CFAP299: variants seen among roughly 807,000 people sequenced by gnomAD.
The protein encoded by CFAP299 is cilia- and flagella-associated protein 299.
CFAP299 carries 21 observed loss-of-function variants against 27.0 expected under a neutral mutation model. The ratio of observed to expected loss-of-function variants is 0.78; its 90% confidence interval spans 0.55 to 1.12. The LOEUF (loss-of-function observed/expected upper bound fraction) is 1.12. CFAP299 is among the 50% of genes most tolerant of loss of function. CFAP299 has a pLI of 0.00. For synonymous variants in CFAP299, 104 were observed against 98.1 expected, an observed-to-expected ratio of 1.06 and a Z score of -0.36; for missense variants, 310 against 276.6, an observed-to-expected ratio of 1.12 and a Z score of -0.86.
intron 3 of CFAP299, among the ~76,000 whole-genome samples, chr4:80,647,480 G>A (rs2109965644): frequency 6.6e-6 from 1 of 152,076 alleles, no homozygotes; most frequent in Non-Finnish European, 1.5e-5. Flanking sequence ...TAAATAATTA[G>A]TATAATAGAA....
intron 3 of CFAP299, among the ~76,000 whole-genome samples, chr4:80,847,601 A>C (rs994855839): frequency 5.3e-5 from 8 of 152,226 alleles, no homozygotes; most frequent in African/African-American, 1.9e-4. Flanking sequence ...CTGATGCACT[A>C]ACTACGTGAC....
chr4:80,863,377 G>A (rs1330312251), intron 3 of CFAP299, among the ~76,000 whole-genome samples: 2 of 152,066 alleles, frequency 1.3e-5, no homozygotes, highest in African/African-American at 4.8e-5. Context: ...AAGACAAGCA[G>A]CCAAAGATCC....
chr4:80,413,431 C>T (rs1017850520), intron 2 of CFAP299, among the ~76,000 whole-genome samples: 6 of 152,182 alleles, frequency 3.9e-5, no homozygotes, highest in Middle Eastern at 3.2e-3. Context: ...TAGACAGAAA[C>T]TAACACCTGC....
At chr4:80,688,121 C>G (rs1462053799) in intron 3 of CFAP299, among the ~76,000 whole-genome samples, 1 of 152,196 alleles carries the variant, frequency 6.6e-6, no homozygotes, top group African/African-American at 2.4e-5. Flanking sequence ...GGAGGGGCGC[C>G]CGCCATTGCC....
At chr4:80,944,734 C>A in intron 4 of CFAP299, 76 bp from the exon 5 acceptor site, 1 of 1,123,862 alleles carries the variant, frequency 8.9e-7, no homozygotes, top group Non-Finnish European at 1.3e-6. Context: ...TGAACTTCCC[C>A]AAATAGTTCT....
intron 2 of CFAP299, among the ~76,000 whole-genome samples, chr4:80,404,099 C>A (rs965324090): frequency 6.6e-6 from 1 of 152,070 alleles, no homozygotes; most frequent in Admixed American, 6.6e-5. Flanking sequence ...AAACCTACAC[C>A]TACATATATC....
At chr4:80,885,005 C>T (rs1248177483) in intron 4 of CFAP299, among the ~76,000 whole-genome samples, 2 of 152,194 alleles carry the variant, frequency 1.3e-5, no homozygotes, top group East Asian at 1.9e-4. Flanking sequence ...CTCCCCCATA[C>T]CCCAGCAACA....
At chr4:80,726,416 G>A (rs1023042759) in intron 3 of CFAP299, among the ~76,000 whole-genome samples, 1 of 152,024 alleles carries the variant, frequency 6.6e-6, no homozygotes, top group Non-Finnish European at 1.5e-5. Context: ...GAAAGAAAAA[G>A]ATATCTTTTT....
intron 2 of CFAP299, among the ~76,000 whole-genome samples, chr4:80,399,242 G>T (rs1726000114): frequency 6.6e-6 from 1 of 152,196 alleles, no homozygotes; most frequent in South Asian, 2.1e-4. Flanking sequence ...CACTGTTGGT[G>T]GGACTGCAAA....
At chr4:80,715,186 C>A (rs1445288597) in intron 3 of CFAP299, among the ~76,000 whole-genome samples, 2 of 151,996 alleles carry the variant, frequency 1.3e-5, no homozygotes, top group Admixed American at 6.6e-5. Context: ...CTGATCAATC[C>A]AAATTAGGAA....
chr4:80,379,400 A>G (rs1724583608), intron 2 of CFAP299, among the ~76,000 whole-genome samples: 1 of 151,594 alleles, frequency 6.6e-6, no homozygotes, highest in African/African-American at 2.4e-5. Flanking sequence ...TGTTTTATTG[A>G]TTTCTGCTCT....
Position 80,705,971 on chromosome 4 carries a change from A to C in CFAP299, c.333+122788A>C, listed in dbSNP as rs75663534. On this transcript the variant is annotated intron_variant, in intron 3 of 5. Coordinates refer to ENST00000358105, the MANE Select transcript of CFAP299 (RefSeq NM_152770.3). ...GAATATTTAATTTAGTGAAATCTTC[A>C]ATTTTTTTGAATTGTAAAAAATTTC... 9.6e-3 allele frequency among the ~76,000 whole-genome samples: 1,463 copies of C among 151,948 alleles called. 10 individuals are homozygous for C. Among genetic ancestry groups the C allele is most frequent in the Middle Eastern group, 0.041 (12 of 294 alleles).
intron 5 of CFAP299, among the ~76,000 whole-genome samples, chr4:80,950,588 C>T (rs1737726208): frequency 6.6e-6 from 1 of 152,014 alleles, no homozygotes; most frequent in African/African-American, 2.4e-5. Context: ...GAAGAAAAAC[C>T]ATGCACAAAG....
intron 4 of CFAP299, among the ~76,000 whole-genome samples, chr4:80,882,983 T>C (rs1733784700): frequency 6.6e-6 from 1 of 152,098 alleles, no homozygotes; most frequent in South Asian, 2.1e-4. Flanking sequence ...ATTATAAATC[T>C]CATTGCTTAA....
intron 4 of CFAP299, among the ~76,000 whole-genome samples, chr4:80,891,790 A>T (rs1466923502): frequency 5.1e-4 from 45 of 87,680 alleles, no homozygotes; most frequent in South Asian, 1.4e-3. Flanking sequence ...AAAAAAAAAT[A>T]AAAAAAAAAA....
chr4:80,515,692 A>T (rs1230880751), intron 2 of CFAP299, among the ~76,000 whole-genome samples: 1 of 152,198 alleles, frequency 6.6e-6, no homozygotes, highest in African/African-American at 2.4e-5. Context: ...TGCATCATGG[A>T]ATTATAGAAC....
At position 80,635,975 on chromosome 4, in the gene CFAP299, T is replaced by C. The variant is rs1739450953; in HGVS notation, c.333+52792T>C. Among the ~76,000 whole-genome samples the C allele has an allele frequency of 2.0e-5, 3 of 152,178 alleles. No individual in the cohort carries two copies. In the South Asian group the frequency reaches 6.2e-4, roughly 31 times the overall value. ...TATATATTTTCTGCAAGAGACTTCA[T>C]GTAAGTTCACTGATACTAAAAGGAA... On this transcript the variant is annotated intron_variant, in intron 3 of 5. Coordinates refer to ENST00000358105, the MANE Select transcript of CFAP299 (RefSeq NM_152770.3).
chr4:80,523,006 T>C (rs1252525198), intron 2 of CFAP299, among the ~76,000 whole-genome samples: 1 of 147,314 alleles, frequency 6.8e-6, no homozygotes, highest in Admixed American at 6.7e-5. Context: ...ACATGAATTT[T>C]AGGATTGTAT....
intron 4 of CFAP299, among the ~76,000 whole-genome samples, chr4:80,881,057 A>G (rs13435374): frequency 0.21 from 31,958 of 152,186 alleles, 5,402 homozygotes; most frequent in African/African-American, 0.45. Flanking sequence ...CAGCATTGCT[A>G]TTCAAGATAA....
Sources: allele counts gnomAD v4.1 joint callset (sites outside exome capture counted in the v4.1 genomes callset), GRCh38; gene constraint gnomAD v4.1.1; transcripts MANE v1.5; gene names NCBI Gene and HGNC (gene_info 2026-07-23, HGNC 2026-07-21).